ADGRV1: variants seen among roughly 807,000 people sequenced by gnomAD.
ADGRV1 encodes G-protein coupled receptor 98.
Under a neutral mutation model 596.2 loss-of-function variants are expected in ADGRV1, and 359 were observed. The observed-to-expected ratio is 0.60, with a 90% confidence interval of 0.55 to 0.66. The LOEUF is 0.66. Ranked by LOEUF, ADGRV1 falls within the 30% of genes least tolerant of loss-of-function variation. ADGRV1 has a pLI of 0.00. For missense variants in ADGRV1, 7,274 were observed against 7,575.6 expected (o/e 0.96, Z 1.48); for synonymous variants, 2,681 against 2,679.2 (o/e 1.00, Z -0.02).
intron 83 of ADGRV1, among the ~76,000 whole-genome samples, chr5:90,865,062 G>A (rs1298358902): frequency 1.3e-5 from 2 of 152,022 alleles, no homozygotes; most frequent in Non-Finnish European, 2.9e-5. Context: ...TGTTCTAGGA[G>A]TGAAAATGAC....
chr5:90,765,798 G>A (rs1468027394), intron 59 of ADGRV1, among the ~76,000 whole-genome samples: 2 of 151,714 alleles, frequency 1.3e-5, no homozygotes, highest in Non-Finnish European at 1.5e-5. Flanking sequence ...TCGACCTCCC[G>A]GCTCAAGCAA....
chr5:90,631,881 C>CT (rs1439340482), intron 9 of ADGRV1, among the ~76,000 whole-genome samples: 2 of 152,186 alleles, frequency 1.3e-5, no homozygotes, highest in African/African-American at 4.8e-5. Context: ...AAAAAAATCT[C>CT]TGACTTTATA....
chr5:91,033,241 A>G (rs1418297772), intron 85 of ADGRV1, among the ~76,000 whole-genome samples: 1 of 152,164 alleles, frequency 6.6e-6, no homozygotes, highest in African/African-American at 2.4e-5. Flanking sequence ...AATGTCTTTA[A>G]CTTGTTCTTG....
chr5:90,625,249 C>G lies in ADGRV1; in HGVS notation c.672+6C>G, dbSNP rs767405355. 4 of 1,563,230 alleles carry G rather than the reference C, an allele frequency of 2.6e-6. No homozygotes were observed. In the East Asian group the frequency reaches 9.0e-5, roughly 35 times the overall value. ...TGACAGTACTCGATGACGAGGTTGGCTAATGTTACATACCCAAATGGGACA... is the reference window on the plus strand; with the variant it reads ...TGACAGTACTCGATGACGAGGTTGGGTAATGTTACATACCCAAATGGGACA... On this transcript the variant is annotated splice_donor_region_variant and intron_variant, in intron 6 of 89. Transcript: ENST00000405460.
intron 20 of ADGRV1, chr5:90,654,549 G>A (rs985791447): frequency 1.1e-4 from 17 of 156,198 alleles, no homozygotes; most frequent in Admixed American, 9.3e-4. Context: ...TCCTCAAGAA[G>A]CACATTTGTG....
At chr5:91,066,733 T>C (rs182034190) in intron 85 of ADGRV1, among the ~76,000 whole-genome samples, 12 of 152,284 alleles carry the variant, frequency 7.9e-5, no homozygotes, top group African/African-American at 2.9e-4. Context: ...TTCACAACAG[T>C]GTCTGACTCC....
chr5:90,840,269 T>C (rs1308114009), intron 77 of ADGRV1, among the ~76,000 whole-genome samples: 1 of 152,192 alleles, frequency 6.6e-6, no homozygotes, highest in Non-Finnish European at 1.5e-5. Context: ...CATGTGTTAT[T>C]TGAAGCACGA....
At chr5:90,893,209 G>T (rs1022380588) in intron 83 of ADGRV1, among the ~76,000 whole-genome samples, 1 of 152,084 alleles carries the variant, frequency 6.6e-6, no homozygotes, top group Non-Finnish European at 1.5e-5. Flanking sequence ...TTGGCTAGAG[G>T]CTCCAGTTCC....
At chr5:91,153,185 T>A (rs776992242) in intron 88 of ADGRV1, 36 bp from the exon 89 acceptor site, 2 of 1,550,776 alleles carry the variant, frequency 1.3e-6, no homozygotes, top group East Asian at 4.7e-5. Flanking sequence ...GCATTCATAT[T>A]ATGGTTTCTT....
chr5:90,692,422 A>G (rs1171552148), intron 31 of ADGRV1, among the ~76,000 whole-genome samples, 183 bp from the exon 32 acceptor site: 2 of 152,156 alleles, frequency 1.3e-5, no homozygotes, highest in Non-Finnish European at 2.9e-5. Context: ...AATGTTGATG[A>G]TGGGTTATTC....
intron 1 of ADGRV1, among the ~76,000 whole-genome samples, chr5:90,569,221 C>T (rs1285824145): frequency 6.6e-6 from 1 of 151,508 alleles, no homozygotes; most frequent in Non-Finnish European, 1.5e-5. Flanking sequence ...AATGTAATCA[C>T]CTCTTAAAGG....
chr5:90,747,526 AC>A (rs1248350501), intron 52 of ADGRV1, among the ~76,000 whole-genome samples: 2 of 151,892 alleles, frequency 1.3e-5, no homozygotes, highest in Admixed American at 6.6e-5. Flanking sequence ...TCCCCCTCCC[AC>A]CCCCATCCAT....
intron 87 of ADGRV1, among the ~76,000 whole-genome samples, chr5:91,117,462 C>T (rs1019897804): frequency 3.9e-5 from 6 of 151,990 alleles, no homozygotes; most frequent in East Asian, 1.9e-4. Flanking sequence ...TAAATCTTTG[C>T]GACAACCTGA....
intron 85 of ADGRV1, among the ~76,000 whole-genome samples, chr5:91,029,151 A>G (rs1784278274): frequency 6.6e-6 from 1 of 152,148 alleles, no homozygotes; most frequent in African/African-American, 2.4e-5. Context: ...TTTTCCATCT[A>G]TCTTTTTATA....
chr5:91,080,670 C>T lies in ADGRV1; in HGVS notation c.18310+8066C>T, dbSNP rs532207018. Among the ~76,000 whole-genome samples the T allele has an allele frequency of 1.2e-4, 18 of 149,186 alleles. No homozygotes were observed. The South Asian group carries it at 3.9e-3, about 32-fold the overall frequency. On this transcript the variant is annotated intron_variant, in intron 86 of 89. Coordinates refer to ENST00000405460, the MANE Select transcript of ADGRV1 (RefSeq NM_032119.4). ...CATCTTCTACTTAATCTTCTGATTT[C>T]CAAGAAAGATTGCCCCTCTTTATGG... is the stretch of plus-strand genomic sequence containing the variant.
chr5:90,857,395 A>G (rs1203569055), intron 82 of ADGRV1, among the ~76,000 whole-genome samples: 2 of 152,148 alleles, frequency 1.3e-5, no homozygotes, highest in African/African-American at 2.4e-5. Flanking sequence ...AATATAAAAA[A>G]AAAAAGGAGT....
At chr5:90,989,853 G>A (rs1380209213) in intron 85 of ADGRV1, among the ~76,000 whole-genome samples, 1 of 151,968 alleles carries the variant, frequency 6.6e-6, no homozygotes, top group African/African-American at 2.4e-5. Context: ...TTTCACTCTT[G>A]TTGCCCGGGC....
intron 83 of ADGRV1, among the ~76,000 whole-genome samples, chr5:90,938,505 C>T (rs1353280786): frequency 2.0e-5 from 3 of 152,150 alleles, no homozygotes; most frequent in Non-Finnish European, 2.9e-5. Context: ...TTAAAGACTT[C>T]CCCAGTGAAT....
chr5:90,777,810 G>T, intron 61 of ADGRV1, 95 bp from the exon 62 acceptor site: 1 of 1,114,408 alleles, frequency 9.0e-7, no homozygotes, highest in South Asian at 1.9e-5. Context: ...TATTGAAATG[G>T]ATGAAAATTG....
Sources: allele counts gnomAD v4.1 joint callset (sites outside exome capture counted in the v4.1 genomes callset), GRCh38; gene constraint gnomAD v4.1.1; transcripts MANE v1.5; gene names NCBI Gene and HGNC (gene_info 2026-07-23, HGNC 2026-07-21).